Variants in CDH9 observed in about 807,000 individuals in gnomAD.
The protein encoded by CDH9 is cadherin 9, also known as cadherin-9.
Under a neutral mutation model 70.9 loss-of-function variants are expected in CDH9, and 28 were observed. That is an observed-to-expected ratio of 0.40 (90% CI 0.29 to 0.54). The LOEUF is 0.54. Among genes scored for constraint, CDH9 ranks in the 20% least tolerant of loss-of-function variants. CDH9 has a pLI of 0.59. For missense variants in CDH9, 874 were observed against 984.4 expected (o/e 0.89, Z 1.50); for synonymous variants, 409 against 343.1 (o/e 1.19, Z -2.12).
chr5:26,953,437 A>T (rs1309715687), intron 2 of CDH9, among the ~76,000 whole-genome samples: 1 of 152,212 alleles, frequency 6.6e-6, no homozygotes, highest in Non-Finnish European at 1.5e-5. Context: ...ATAAAAATCC[A>T]TATTCTCGTT....
intron 2 of CDH9, among the ~76,000 whole-genome samples, chr5:26,978,893 T>C (rs985304933): frequency 2.0e-5 from 3 of 152,018 alleles, no homozygotes; most frequent in Admixed American, 1.3e-4. Flanking sequence ...CATGGTTCTA[T>C]ATCCAGTTAA....
intron 2 of CDH9, among the ~76,000 whole-genome samples, chr5:26,968,709 T>C (rs1432669560): frequency 1.3e-5 from 2 of 152,160 alleles, no homozygotes; most frequent in African/African-American, 4.8e-5. Flanking sequence ...CATTTCAGTA[T>C]GGTTGGGGGG....
intron 1 of CDH9, among the ~76,000 whole-genome samples, chr5:26,994,598 A>G (rs1454928804): frequency 6.6e-6 from 1 of 152,024 alleles, no homozygotes; most frequent in Non-Finnish European, 1.5e-5. Context: ...ATGTGAAGAT[A>G]CAATGAGAAA....
intron 1 of CDH9, among the ~76,000 whole-genome samples, chr5:27,017,443 G>C (rs1003736568): frequency 6.8e-4 from 103 of 151,652 alleles, no homozygotes; most frequent in African/African-American, 2.4e-3. Context: ...TTTTTTTTGG[G>C]GGGGCAAGCT....
chr5:27,000,736 A>G (rs567217546), intron 1 of CDH9, among the ~76,000 whole-genome samples: 2 of 152,276 alleles, frequency 1.3e-5, no homozygotes, highest in South Asian at 4.1e-4. Flanking sequence ...ATGAATAGAT[A>G]AACAGATTGT....
chr5:26,952,740 C>T (rs894316567), intron 2 of CDH9, among the ~76,000 whole-genome samples: 2 of 149,936 alleles, frequency 1.3e-5, no homozygotes, highest in African/African-American at 4.9e-5. Flanking sequence ...GATGAATCCA[C>T]TCATGGATTA....
intron 1 of CDH9, among the ~76,000 whole-genome samples, chr5:27,010,528 T>C (rs981331157): frequency 2.6e-5 from 4 of 152,118 alleles, no homozygotes; most frequent in African/African-American, 9.6e-5. Context: ...ACTTTGAAAA[T>C]ACAGCCATAG....
chr5:26,986,292 C>G (rs1268022740), intron 2 of CDH9, among the ~76,000 whole-genome samples: 1 of 151,882 alleles, frequency 6.6e-6, no homozygotes, highest in African/African-American at 2.4e-5. Context: ...TTCGCACATC[C>G]TAACTTGTCC....
rs568326978 is a variant in CDH9 at position 26,895,768 on chromosome 5, A to G, written c.1254-5204T>C. 5.9e-5 allele frequency among the ~76,000 whole-genome samples: 9 copies of G among 152,118 alleles called. No homozygotes were observed. In the East Asian group the frequency reaches 1.7e-3, roughly 29 times the overall value. On this transcript the variant is annotated intron_variant, in intron 7 of 11. Coordinates refer to ENST00000231021, the MANE Select transcript of CDH9 (RefSeq NM_016279.4). Reference sequence around the variant, plus strand: ...TGAACAGATTTAATCGTGGATGAGAATTAGTTCCCAATCTTTCCCTGGAAA... The same window carrying G: ...TGAACAGATTTAATCGTGGATGAGAGTTAGTTCCCAATCTTTCCCTGGAAA...
chr5:26,975,709 A>G (rs2112078373), intron 2 of CDH9, among the ~76,000 whole-genome samples: 1 of 152,342 alleles, frequency 6.6e-6, no homozygotes, highest in South Asian at 2.1e-4. Context: ...ACAGATAGAC[A>G]AAAATTTATT....
intron 1 of CDH9, among the ~76,000 whole-genome samples, chr5:27,010,572 C>T (rs1742938791): frequency 6.6e-6 from 1 of 152,090 alleles, no homozygotes; most frequent in East Asian, 1.9e-4. Flanking sequence ...TCTGTTTTCC[C>T]ACATTTTGCC....
At chr5:26,885,208 T>C (rs1021210396) in intron 11 of CDH9, among the ~76,000 whole-genome samples, 2 of 152,312 alleles carry the variant, frequency 1.3e-5, no homozygotes, top group African/African-American at 4.8e-5. Flanking sequence ...GTTTGAATAC[T>C]AGCTAAAGCT....
At chr5:26,927,601 A>T (rs939778063) in intron 2 of CDH9, among the ~76,000 whole-genome samples, 8 of 152,020 alleles carry the variant, frequency 5.3e-5, no homozygotes, top group South Asian at 2.1e-4. Flanking sequence ...TCATGAGGAT[A>T]AAGTAATAAA....
intron 2 of CDH9, among the ~76,000 whole-genome samples, chr5:26,931,927 T>C (rs1741470391): frequency 6.6e-6 from 1 of 152,132 alleles, no homozygotes; most frequent in African/African-American, 2.4e-5. Flanking sequence ...GGTGACCTGT[T>C]TCAAGTTAGA....
intron 5 of CDH9, 26 bp downstream of exon 5, chr5:26,905,933 C>T: frequency 6.3e-7 from 1 of 1,590,936 alleles, no homozygotes; most frequent in South Asian, 1.1e-5. Context: ...AGTTTTTGGA[C>T]ATGAGATCAC....
intron 1 of CDH9, among the ~76,000 whole-genome samples, chr5:27,009,508 CT>C (rs1205755672): frequency 6.6e-6 from 1 of 152,098 alleles, no homozygotes; most frequent in African/African-American, 2.4e-5. Context: ...TTCAATTTTT[CT>C]GCTAAGAGGG....
At chr5:26,932,135 T>TA (rs36099366) in intron 2 of CDH9, among the ~76,000 whole-genome samples, 4 of 150,550 alleles carry the variant, frequency 2.7e-5, no homozygotes, top group Non-Finnish European at 5.9e-5. Flanking sequence ...ATCATTTTTT[T>TA]ATTATTGGTT....
At chr5:26,889,388 C>G (rs1037131086) in intron 9 of CDH9, among the ~76,000 whole-genome samples, 1 of 151,934 alleles carries the variant, frequency 6.6e-6, no homozygotes, top group African/African-American at 2.4e-5. Flanking sequence ...TCACTCATAT[C>G]AAAATCTGAA....
At chr5:26,934,569 C>T (rs1741526491) in intron 2 of CDH9, among the ~76,000 whole-genome samples, 1 of 152,120 alleles carries the variant, frequency 6.6e-6, no homozygotes, top group South Asian at 2.1e-4. Context: ...CCAGGCCCCA[C>T]CTCCAACCAT....
Sources: gnomAD v4.1 joint callset for allele counts (sites outside exome capture counted in the v4.1 genomes callset) on GRCh38, gnomAD v4.1.1 for gene constraint, MANE v1.5 for transcripts, NCBI Gene and HGNC (gene_info 2026-07-23, HGNC 2026-07-21) for gene names.